Variants in CENPI observed in about 807,000 individuals in gnomAD.
CENPI encodes FSH primary response 1.
In CENPI, 4 loss-of-function variants were observed where a neutral mutation model predicts 60.4. That is an observed-to-expected ratio of 0.07 (90% CI 0.03 to 0.15). CENPI has a LOEUF of 0.15. Ranked by LOEUF, CENPI falls within the 10% of genes least tolerant of loss-of-function variation. The pLI is 1.00. For synonymous variants in CENPI, 157 were observed against 189.4 expected (o/e 0.83, Z 1.40); for missense variants, 444 against 534.5 (o/e 0.83, Z 1.67).
At chrX:101,105,871 A>G (rs1049950630) in intron 4 of CENPI, among the ~76,000 whole-genome samples, 8 of 111,667 alleles carry the variant, frequency 7.2e-5, no homozygotes, top group African/African-American at 9.7e-5. Context: ...CTGGCTTTCT[A>G]TTGTTACTTT....
intron 8 of CENPI, among the ~76,000 whole-genome samples, chrX:101,125,319 T>C (rs2089723250): frequency 8.9e-6 from 1 of 111,977 alleles, no homozygotes; most frequent in African/African-American, 3.2e-5. Context: ...TCCAAAATCT[T>C]ATTTAGATTT....
chrX:101,175,451 A>G, the CENPI span, among the ~76,000 whole-genome samples: 1 of 112,228 alleles, frequency 8.9e-6, no homozygotes, highest in East Asian at 2.8e-4. Context: ...ACTTCCATGG[A>G]TGGGAAGAAA....
chrX:101,141,763 G>T (rs1338956919), intron 16 of CENPI, among the ~76,000 whole-genome samples: 2 of 110,949 alleles, frequency 1.8e-5, no homozygotes, highest in South Asian at 7.6e-4. Context: ...TTGAGACAGG[G>T]TCTTGCTCTG....
intron 15 of CENPI, among the ~76,000 whole-genome samples, chrX:101,139,935 C>A (rs1422482155): frequency 9.2e-6 from 1 of 108,489 alleles, no homozygotes; most frequent in Non-Finnish European, 1.9e-5. Flanking sequence ...CCTGGGTTCA[C>A]GTCATTCTCC....
chrX:101,168,710 C>A (rs1476574344), downstream of CENPI, among the ~76,000 whole-genome samples: 1 of 111,797 alleles, frequency 8.9e-6, no homozygotes, highest in African/African-American at 3.3e-5. Context: ...AACAAACTAA[C>A]AAAAAATCTA....
At chrX:101,177,858 A>G in the CENPI span, among the ~76,000 whole-genome samples, 3 of 111,937 alleles carry the variant, frequency 2.7e-5, no homozygotes, top group African/African-American at 9.7e-5. Flanking sequence ...TGAAATGTCA[A>G]TGGGGCTCCA....
intron 6 of CENPI, among the ~76,000 whole-genome samples, chrX:101,112,331 G>T (rs1322460545): frequency 1.8e-5 from 2 of 111,953 alleles, no homozygotes; most frequent in Admixed American, 9.5e-5. Flanking sequence ...TGGAAGCTCA[G>T]TATAACTCAG....
chrX:101,154,908 A>G (rs2090039678), intron 20 of CENPI, among the ~76,000 whole-genome samples: 1 of 111,734 alleles, frequency 8.9e-6, no homozygotes, highest in South Asian at 3.7e-4. Flanking sequence ...GCACCCGTAT[A>G]TTGATCTTAT....
intron 20 of CENPI, among the ~76,000 whole-genome samples, chrX:101,158,311 CT>C (rs1259582329): frequency 1.4e-5 from 1 of 72,696 alleles, no homozygotes; most frequent in Admixed American, 2.1e-4. Context: ...GAGTTTTGCT[CT>C]TGTTGCCCAG....
At chrX:101,139,841 GT>G (rs1297389512) in intron 15 of CENPI, among the ~76,000 whole-genome samples, 53 of 95,436 alleles carry the variant, frequency 5.6e-4, no homozygotes, top group African/African-American at 1.9e-3. Context: ...TTTGTTTTTT[GT>G]TTTTTTTTTT....
rs903343204 is a variant in CENPI, at chrX:101,113,904, A to G, written c.591+3906A>G. Among the ~76,000 whole-genome samples, 27 of 111,627 alleles carry G rather than the reference A, an allele frequency of 2.4e-4. 1 individual carries two copies. Among genetic ancestry groups the G allele is most frequent in the African/African-American group, 8.8e-4 (27 of 30,700 alleles). On this transcript the variant is annotated intron_variant, in intron 6 of 21. Coordinates refer to ENST00000682095, the MANE Select transcript of CENPI (RefSeq NM_001386188.2). ...ATTCCACTGGCTCCTTGCTTCCATCATGTTATTGAATCAGTCTAATTGTAA... is the reference window on the plus strand; with the variant it reads ...ATTCCACTGGCTCCTTGCTTCCATCGTGTTATTGAATCAGTCTAATTGTAA...
chrX:101,143,069 C>A (rs75455753), intron 16 of CENPI, among the ~76,000 whole-genome samples: 217 of 64,485 alleles, frequency 3.4e-3, no homozygotes, highest in Admixed American at 4.0e-3. Flanking sequence ...GACTCCATCT[C>A]AAAAAAAAAA....
chrX:101,152,904 CAT>C (rs1178744419), intron 20 of CENPI, among the ~76,000 whole-genome samples: 1 of 108,651 alleles, frequency 9.2e-6, no homozygotes, highest in Non-Finnish European at 1.9e-5. Flanking sequence ...TTTGTGTGGA[CAT>C]ATGTTTTCAT....
At chrX:101,157,244 A>G in intron 20 of CENPI, among the ~76,000 whole-genome samples, 1 of 111,874 alleles carries the variant, frequency 8.9e-6, no homozygotes, top group Non-Finnish European at 1.9e-5. Context: ...ACTATAATGT[A>G]CATATATGTG....
At chrX:101,106,703 G>A (rs1410679685) in intron 4 of CENPI, among the ~76,000 whole-genome samples, 3 of 110,802 alleles carry the variant, frequency 2.7e-5, no homozygotes, top group Admixed American at 1.9e-4. Flanking sequence ...CACCATAGAG[G>A]CCTGAGATCA....
intron 13 of CENPI, among the ~76,000 whole-genome samples, chrX:101,131,267 T>C (rs2089793293): frequency 8.9e-6 from 1 of 111,867 alleles, no homozygotes; most frequent in Non-Finnish European, 1.9e-5. Context: ...TGCCTTGGCT[T>C]CCCAAAGTGC....
At chrX:101,143,904 G>A (rs2089938545) in intron 16 of CENPI, among the ~76,000 whole-genome samples, 1 of 111,492 alleles carries the variant, frequency 9.0e-6, no homozygotes, top group African/African-American at 3.3e-5. Context: ...TTTGTGTACT[G>A]TAGGTTTCCT....
At chrX:101,153,101 T>TA (rs895349529) in intron 20 of CENPI, among the ~76,000 whole-genome samples, 2 of 109,388 alleles carry the variant, frequency 1.8e-5, no homozygotes, top group Non-Finnish European at 3.8e-5. Context: ...TAACACTTTT[T>TA]ATCTGTTTTT....
At position 101,157,139 on chromosome X, in the gene CENPI, T is replaced by C. The variant is rs375457680; in HGVS notation, c.2095-4389T>C. 1.3e-4 allele frequency among the ~76,000 whole-genome samples: 15 copies of C among 111,979 alleles called. No homozygotes were observed. The East Asian group carries it at 3.4e-3, about 25-fold the overall frequency. ...CCATCAGCAGTGTAGAAGGGTTCCC[T>C]TTTCACCGCATCCACGCCAACATCT... On this transcript the variant is annotated intron_variant, in intron 20 of 21. Coordinates refer to ENST00000682095, the MANE Select transcript of CENPI (RefSeq NM_001386188.2).
Sources: gnomAD v4.1 joint callset for allele counts (sites outside exome capture counted in the v4.1 genomes callset) on GRCh38, gnomAD v4.1.1 for gene constraint, MANE v1.5 for transcripts, NCBI Gene and HGNC (gene_info 2026-07-23, HGNC 2026-07-21) for gene names.